FRMD3: variants seen among roughly 807,000 people sequenced by gnomAD.
FRMD3 encodes the protein FERM domain-containing protein 3.
In FRMD3, 33 loss-of-function variants were observed where a neutral mutation model predicts 70.2. The ratio of observed to expected loss-of-function variants is 0.47; its 90% CI spans 0.36 to 0.63. The LOEUF is 0.63. FRMD3 is among the 20% of genes least tolerant of loss of function. The pLI, the probability that FRMD3 is intolerant of heterozygous loss-of-function variation, is 0.00. For missense variants in FRMD3, 632 were observed against 711.4 expected (o/e 0.89, Z 1.27); for synonymous variants, 279 against 255.9 (o/e 1.09, Z -0.86).
chr9:83,345,070 T>C (rs1043044295), intron 4 of FRMD3, among the ~76,000 whole-genome samples: 2 of 152,102 alleles, frequency 1.3e-5, no homozygotes, highest in Non-Finnish European at 2.9e-5. Context: ...TTCTGAGCCA[T>C]TGGTTCACTG....
intron 2 of FRMD3, among the ~76,000 whole-genome samples, chr9:83,375,239 A>G (rs1167276885): frequency 6.6e-6 from 1 of 152,234 alleles, no homozygotes; most frequent in Non-Finnish European, 1.5e-5. Flanking sequence ...GACAGGGAAC[A>G]TGTAAGGCAT....
At chr9:83,355,220 T>C (rs948327281) in intron 3 of FRMD3, among the ~76,000 whole-genome samples, 4 of 152,210 alleles carry the variant, frequency 2.6e-5, no homozygotes, top group Non-Finnish European at 5.9e-5. Context: ...GAAAGGGGAA[T>C]GACGTAAAGA....
chr9:83,372,798 A>ACC (rs139866957), intron 3 of FRMD3, 115 bp downstream of exon 3: 2 of 914,962 alleles, frequency 2.2e-6, no homozygotes, highest in Non-Finnish European at 1.8e-6. Flanking sequence ...AAGCCCCCAC[A>ACC]CCCCCCAACA....
At chr9:83,553,445 G>A in the FRMD3 span, among the ~76,000 whole-genome samples, 11 of 152,180 alleles carry the variant, frequency 7.2e-5, no homozygotes, top group Admixed American at 7.2e-4. Context: ...TGAAGATTAT[G>A]TGTCTTGGGG....
At chr9:83,476,050 T>C (rs1406244763) in intron 1 of FRMD3, among the ~76,000 whole-genome samples, 1 of 152,140 alleles carries the variant, frequency 6.6e-6, no homozygotes, top group Non-Finnish European at 1.5e-5. Flanking sequence ...CAAAAATAAG[T>C]GCTGTATCCT....
intron 2 of FRMD3, among the ~76,000 whole-genome samples, chr9:83,378,174 G>C (rs543558775): frequency 3.3e-5 from 5 of 152,144 alleles, no homozygotes; most frequent in African/African-American, 1.2e-4. Context: ...ATAAGCACTG[G>C]CTGTTACCAT....
chr9:83,421,916 C>A (rs7034364), intron 1 of FRMD3, among the ~76,000 whole-genome samples: 8,940 of 152,132 alleles, frequency 0.059, 398 homozygotes, highest in African/African-American at 0.12. Flanking sequence ...TGAACATACA[C>A]ACAAAACTGC....
At chr9:83,306,465 C>T (rs1026540398) in intron 10 of FRMD3, among the ~76,000 whole-genome samples, 5 of 152,190 alleles carry the variant, frequency 3.3e-5, no homozygotes, top group East Asian at 3.8e-4. Context: ...CCACAAAATG[C>T]ATCCTCCACA....
chr9:83,309,716 ATCCTATC>A (rs1835280568), intron 9 of FRMD3, 92 bp from the exon 10 acceptor site: 2 of 688,618 alleles, frequency 2.9e-6, no homozygotes, highest in African/African-American at 1.8e-5. Flanking sequence ...ACCTCTTTGT[ATCCTATC>A]TCCTATTACA....
At chr9:83,533,126 T>G (rs990085331) in intron 1 of FRMD3, among the ~76,000 whole-genome samples, 1 of 152,154 alleles carries the variant, frequency 6.6e-6, no homozygotes, top group African/African-American at 2.4e-5. Flanking sequence ...GCCTAATCAT[T>G]CAGTCCCAAG....
chr9:83,440,274 T>C lies in FRMD3; in HGVS notation c.148-50566A>G, dbSNP rs548465073. Among the ~76,000 whole-genome samples the C allele has an allele frequency of 9.8e-5, 15 of 152,352 alleles. No homozygotes were observed. The South Asian group carries it at 3.1e-3, about 32-fold the overall frequency. Reference sequence around the variant, plus strand: ...TGGACCAAACTGTCATTTAGATTAATAGAACACAAAGCTCCCCTTGTAAAT... The same window carrying C: ...TGGACCAAACTGTCATTTAGATTAACAGAACACAAAGCTCCCCTTGTAAAT... On this transcript the variant is annotated intron_variant, in intron 1 of 13. Transcript: ENST00000304195.
chr9:83,568,107 GAT>G, the FRMD3 span, among the ~76,000 whole-genome samples: 1 of 152,324 alleles, frequency 6.6e-6, no homozygotes, highest in East Asian at 1.9e-4. Context: ...CATGGTAGGA[GAT>G]GAAAGGCATT....
At chr9:83,461,290 A>G (rs937255870) in intron 1 of FRMD3, among the ~76,000 whole-genome samples, 2 of 152,222 alleles carry the variant, frequency 1.3e-5, no homozygotes, top group Admixed American at 6.5e-5. Context: ...CAAGGAATGC[A>G]AGTAACCTCT....
At chr9:83,362,729 C>CTGCT (rs965909129) in intron 3 of FRMD3, among the ~76,000 whole-genome samples, 4 of 150,936 alleles carry the variant, frequency 2.7e-5, no homozygotes, top group Admixed American at 6.6e-5. Flanking sequence ...CATATGCATC[C>CTGCT]TGCTTCCTTC....
downstream of FRMD3, among the ~76,000 whole-genome samples, chr9:83,243,750 T>C (rs1831957007): frequency 6.7e-6 from 1 of 150,356 alleles, no homozygotes; most frequent in Non-Finnish European, 1.5e-5. Flanking sequence ...GGGCCAATTC[T>C]GCTTGACTTC....
chr9:83,449,159 G>A (rs561038793), intron 1 of FRMD3, among the ~76,000 whole-genome samples: 1 of 152,156 alleles, frequency 6.6e-6, no homozygotes, highest in Admixed American at 6.5e-5. Context: ...GGCAAGAGAG[G>A]ACCACCAAAT....
At chr9:83,493,574 A>G (rs951823945) in intron 1 of FRMD3, among the ~76,000 whole-genome samples, 13 of 152,234 alleles carry the variant, frequency 8.5e-5, no homozygotes, top group South Asian at 2.1e-4. Flanking sequence ...TTAAAAACAT[A>G]GTTAAGCAGT....
At chr9:83,392,553 G>A (rs1250481050) in intron 1 of FRMD3, among the ~76,000 whole-genome samples, 1 of 152,088 alleles carries the variant, frequency 6.6e-6, no homozygotes, top group Non-Finnish European at 1.5e-5. Context: ...GCTTCCTCCT[G>A]AACCTCCTGA....
chr9:83,324,286 T>C (rs1237551445), intron 6 of FRMD3, among the ~76,000 whole-genome samples: 1 of 152,134 alleles, frequency 6.6e-6, no homozygotes, highest in Non-Finnish European at 1.5e-5. Context: ...AAAGTAAATT[T>C]ATAAAAGCAA....
Sources: gnomAD v4.1 joint callset for allele counts (sites outside exome capture counted in the v4.1 genomes callset) on GRCh38, gnomAD v4.1.1 for gene constraint, MANE v1.5 for transcripts, NCBI Gene and HGNC (gene_info 2026-07-23, HGNC 2026-07-21) for gene names.